The following CCDC3 variants were observed in gnomAD, a reference collection of about 807,000 sequenced individuals.
The protein encoded by CCDC3 is coiled-coil domain-containing protein 3.
CCDC3 carries 24 observed loss-of-function variants against 21.4 expected under a neutral mutation model. That is an observed-to-expected ratio of 1.12 (90% CI 0.81 to 1.58). The LOEUF is 1.58. Among genes scored for constraint, CCDC3 ranks in the 40% most tolerant of loss-of-function variants. The probability of loss-of-function intolerance (pLI) is 0.00; values close to 1 mark genes in which losing one functional copy is unlikely to be tolerated. For synonymous variants in CCDC3, 186 were observed against 166.0 expected (o/e 1.12, Z -0.93); for missense variants, 425 against 360.9 (o/e 1.18, Z -1.44).
intron 2 of CCDC3, among the ~76,000 whole-genome samples, chr10:12,996,838 C>T (rs993231526): frequency 2.0e-5 from 3 of 152,066 alleles, no homozygotes; most frequent in Non-Finnish European, 4.4e-5. Context: ...AACAGAAACC[C>T]AAACACTGCA....
chr10:12,986,224 A>G (rs976140482), intron 2 of CCDC3, among the ~76,000 whole-genome samples: 2 of 152,224 alleles, frequency 1.3e-5, no homozygotes, highest in African/African-American at 4.8e-5. Flanking sequence ...TTACAGTAAG[A>G]TACATGTAAT....
At chr10:12,974,616 G>C (rs1182668173) in intron 2 of CCDC3, among the ~76,000 whole-genome samples, 1 of 152,354 alleles carries the variant, frequency 6.6e-6, no homozygotes, top group Non-Finnish European at 1.5e-5. Context: ...GCACAGGACT[G>C]ACTGAATTCA....
intron 1 of CCDC3, among the ~76,000 whole-genome samples, chr10:12,999,989 C>T (rs1337436287): frequency 2.6e-5 from 4 of 152,166 alleles, no homozygotes; most frequent in East Asian, 1.9e-4. Context: ...CAAAGCAAGA[C>T]GTGTTTTTTA....
chr10:13,079,819 G>A (rs1461418991), intron 3 of CCDC3, among the ~76,000 whole-genome samples: 1 of 152,042 alleles, frequency 6.6e-6, no homozygotes, highest in East Asian at 1.9e-4. Context: ...AGCAGCGTGG[G>A]TGGCTGGCAG....
At chr10:13,060,933 G>A (rs1307268061) in intron 4 of CCDC3, among the ~76,000 whole-genome samples, 1 of 152,200 alleles carries the variant, frequency 6.6e-6, no homozygotes, top group Non-Finnish European at 1.5e-5. Flanking sequence ...TTAATGGAGT[G>A]AAAAATTCAA....
intron 5 of CCDC3, among the ~76,000 whole-genome samples, chr10:13,015,216 A>G (rs1836038924): frequency 6.6e-6 from 1 of 152,080 alleles, no homozygotes; most frequent in Admixed American, 6.5e-5. Context: ...TGATGTAGTT[A>G]CAGTAAAAGA....
chr10:13,090,029 C>T (rs1335821316), intron 3 of CCDC3, among the ~76,000 whole-genome samples: 3 of 118,304 alleles, frequency 2.5e-5, no homozygotes, highest in East Asian at 4.7e-4. Context: ...AGTAGTATTC[C>T]GTTAGATATA....
chr10:12,978,948 C>G (rs536639324), intron 2 of CCDC3, among the ~76,000 whole-genome samples: 2 of 152,156 alleles, frequency 1.3e-5, no homozygotes, highest in East Asian at 3.9e-4. Context: ...AACTGAGTCA[C>G]GCAACACCGC....
chr10:13,089,746 T>G (rs1318806497), intron 3 of CCDC3, among the ~76,000 whole-genome samples: 1 of 149,696 alleles, frequency 6.7e-6, no homozygotes, highest in Non-Finnish European at 1.5e-5. Context: ...ATAAGTTTTT[T>G]ACTGGTGGTT....
chr10:12,931,937 C>A (rs972549279), intron 2 of CCDC3, among the ~76,000 whole-genome samples: 3 of 152,112 alleles, frequency 2.0e-5, no homozygotes, highest in East Asian at 1.9e-4. Flanking sequence ...ATATAAAAAA[C>A]AGTTTTATGT....
chr10:13,033,787 A>G (rs1328121982), intron 5 of CCDC3, among the ~76,000 whole-genome samples: 6 of 152,246 alleles, frequency 3.9e-5, no homozygotes, highest in Non-Finnish European at 8.8e-5. Flanking sequence ...CAAAACCACA[A>G]TGAGATACCA....
At chr10:12,939,800 T>C (rs946027527) in intron 2 of CCDC3, among the ~76,000 whole-genome samples, 2 of 152,192 alleles carry the variant, frequency 1.3e-5, no homozygotes, top group African/African-American at 4.8e-5. Flanking sequence ...GCCTGGCCAA[T>C]CTCTTTAAGA....
At chr10:13,001,812 G>A, upstream of CCDC3, 1 of 159,994 alleles carries the variant, frequency 6.3e-6, no homozygotes, top group East Asian at 1.9e-4. Flanking sequence ...GCGTGGGCGG[G>A]GGAGGGGCGG....
chr10:13,083,546 C>T (rs1837067940), intron 3 of CCDC3, among the ~76,000 whole-genome samples: 1 of 152,212 alleles, frequency 6.6e-6, no homozygotes, highest in African/African-American at 2.4e-5. Context: ...GTTAAATGTG[C>T]TCACAGGCAC....
chr10:12,991,922 C>T lies in CCDC3; in HGVS notation c.549+6416G>A, dbSNP rs555617582. On this transcript the variant is annotated intron_variant, in intron 2 of 2. Transcript: ENST00000378825. Reference sequence around the variant, plus strand: ...GCCTTGTTTTCTGTCTCTTTCTTATCTTTTTTTCTCACCCAGTCTAGCCCT... The same window carrying T: ...GCCTTGTTTTCTGTCTCTTTCTTATTTTTTTTTCTCACCCAGTCTAGCCCT... Among the ~76,000 whole-genome samples the T allele has an allele frequency of 7.9e-5, 12 of 152,150 alleles. No homozygotes were observed. The East Asian group carries it at 1.9e-3, about 25-fold the overall frequency.
intron 2 of CCDC3, among the ~76,000 whole-genome samples, chr10:12,935,033 G>A (rs1834714226): frequency 6.6e-6 from 1 of 151,832 alleles, no homozygotes; most frequent in Non-Finnish European, 1.5e-5. Flanking sequence ...TGAGTAGCTG[G>A]GACTACGGAT....
At chr10:12,962,969 TTACA>T (rs1213489316) in intron 2 of CCDC3, among the ~76,000 whole-genome samples, 2 of 152,210 alleles carry the variant, frequency 1.3e-5, no homozygotes, top group African/African-American at 4.8e-5. Context: ...AGATTTAAAC[TTACA>T]TACTTATATA....
chr10:13,096,504 G>A (rs77733475), intron 3 of CCDC3, among the ~76,000 whole-genome samples: 1 of 152,260 alleles, frequency 6.6e-6, no homozygotes, highest in African/African-American at 2.4e-5. Flanking sequence ...TTCTGCAGGG[G>A]TGTACGGAAA....
At chr10:12,943,626 T>C (rs1398686266) in intron 2 of CCDC3, among the ~76,000 whole-genome samples, 2 of 151,520 alleles carry the variant, frequency 1.3e-5, no homozygotes, top group Admixed American at 1.3e-4. Flanking sequence ...AGAAACCCCA[T>C]CTGCATAACA....
Sources: allele counts gnomAD v4.1 joint callset (sites outside exome capture counted in the v4.1 genomes callset), GRCh38; gene constraint gnomAD v4.1.1; transcripts MANE v1.5; gene names NCBI Gene and HGNC (gene_info 2026-07-23, HGNC 2026-07-21).